PKHD1L1: variants seen among roughly 807,000 people sequenced by gnomAD.
PKHD1L1 encodes fibrocystin-L.
PKHD1L1 carries 434 observed loss-of-function variants against 462.9 expected under a neutral mutation model. The ratio of observed to expected loss-of-function variants is 0.94; its 90% CI spans 0.87 to 1.02. The LOEUF (loss-of-function observed/expected upper bound fraction) is 1.02, where lower values mean the gene tolerates loss of function less well. Among genes scored for constraint, PKHD1L1 ranks in the 50% least tolerant of loss-of-function variants. The pLI, the probability that PKHD1L1 is intolerant of heterozygous loss-of-function variation, is 0.00. For synonymous variants in PKHD1L1, 1,781 were observed against 1,750.0 expected (o/e 1.02, Z -0.44); for missense variants, 5,202 against 5,096.1 (o/e 1.02, Z -0.63).
At chr8:109,421,749 A>G (rs918051294) in intron 23 of PKHD1L1, among the ~76,000 whole-genome samples, 1 of 152,186 alleles carries the variant, frequency 6.6e-6, no homozygotes, top group African/African-American at 2.4e-5. Context: ...GCGCCACTGC[A>G]CTTCAGCCTC....
At chr8:109,442,800 C>A (rs1815877242) in intron 35 of PKHD1L1, 146 bp from the exon 36 acceptor site, 1 of 703,222 alleles carries the variant, frequency 1.4e-6, no homozygotes, top group South Asian at 2.5e-5. Context: ...TTTCTTACTA[C>A]ATTCTGTTGA....
intron 8 of PKHD1L1, among the ~76,000 whole-genome samples, chr8:109,389,923 A>G (rs1161093938): frequency 1.3e-5 from 2 of 152,058 alleles, no homozygotes; most frequent in Admixed American, 6.5e-5. Context: ...CATGTTCTCA[A>G]AAAGGCCTAG....
In PKHD1L1 at chr8:109,466,707, C is replaced by A. The variant is rs1359591979; in HGVS notation, c.8543C>A (p.Ala2848Glu). 3 of 1,612,800 alleles carry A rather than the reference C, an allele frequency of 1.9e-6. No homozygotes were observed. The highest frequency in any genetic ancestry group is 1.3e-5 in the African/African-American group (1 of 74,940). The change falls in exon 50 of 78, where the codon GCG becomes GAG. Residue 2848 changes from alanine (A) to glutamate (E), a missense_variant. Physicochemically the swap from Ala to Glu is moderately radical, Grantham distance 107. Transcript: ENST00000378402. ...CDASVSFHRL[A>E]FNQPSPVSLL... ...GCTTCAGTCAGCTTTCACCGTTTAG[C>A]GTTCAACCAGCCTTCTCCAGTATCT...
chr8:109,457,150 G>T (rs1032597951), intron 46 of PKHD1L1, among the ~76,000 whole-genome samples: 3 of 152,058 alleles, frequency 2.0e-5, no homozygotes, highest in Admixed American at 1.3e-4. Flanking sequence ...ATTAGGAAAT[G>T]AACAGTGATT....
intron 4 of PKHD1L1, among the ~76,000 whole-genome samples, chr8:109,383,072 T>TATATATAAATAGTTATTATATATA (rs1812209536): frequency 2.4e-5 from 3 of 124,668 alleles, no homozygotes; most frequent in Non-Finnish European, 5.0e-5. Context: ...AATTATATTT[T>TATATATAAATAGTTATTATATATA]ATATATAAAT....
chr8:109,381,311 T>G (rs1370407198), intron 2 of PKHD1L1, 59 bp from the exon 3 acceptor site: 2 of 1,395,192 alleles, frequency 1.4e-6, no homozygotes, highest in Admixed American at 4.2e-5. Flanking sequence ...AGGTGACAAA[T>G]GTTAGGTCTC....
Position 109,523,531 on chromosome 8 carries a change from T to C in PKHD1L1, c.12484+145T>C, listed in dbSNP as rs1381353735. ...CTATATTTTGCCTTGTTTCAGAAAA[T>C]ATTTAGTCTAGCTTAAGAATAGATT... On this transcript the variant is annotated intron_variant, in intron 76 of 77. Transcript: ENST00000378402. The C allele has an allele frequency of 4.3e-6, 3 of 703,526 alleles. No homozygotes were observed. In the African/African-American group the frequency reaches 5.4e-5, roughly 13 times the overall value. The allele number at this position is 703,526 out of a possible 1,614,324, so 43.6% of individuals were successfully genotyped here.
chr8:109,416,175 A>C (rs1814159754), intron 21 of PKHD1L1, among the ~76,000 whole-genome samples: 1 of 152,210 alleles, frequency 6.6e-6, no homozygotes, highest in African/African-American at 2.4e-5. Flanking sequence ...ATTCTTCAGG[A>C]AACACAAAAG....
At chr8:109,382,345 G>A (rs181878295) in intron 3 of PKHD1L1, 118 bp from the exon 4 acceptor site, 130 of 704,430 alleles carry the variant, frequency 1.8e-4, no homozygotes, top group Non-Finnish European at 2.7e-4. Context: ...CATCAGTTAC[G>A]ACGTTGGACA....
Position 109,438,958 on chromosome 8 carries a change from G to A in PKHD1L1, c.3822G>A (p.Ala1274=), listed in dbSNP as rs201067450. The change falls in exon 32 of 78, where the codon GCG becomes GCA. Residue 1274 remains alanine, a synonymous_variant. Transcript: ENST00000378402. ...NFGNELTQNM[A]VYVGGKTCQI... Reference sequence around the variant, plus strand: ...GAAATGAACTCACACAAAACATGGCGGTGTATGTTGGAGGAAAAACCTGCC... The same window carrying A: ...GAAATGAACTCACACAAAACATGGCAGTGTATGTTGGAGGAAAAACCTGCC... 3.2e-4 allele frequency: 511 copies of A among 1,613,438 alleles called. 4 individuals are homozygous for A. In the East Asian group the frequency reaches 8.9e-3, roughly 28 times the overall value.
intron 16 of PKHD1L1, 29 bp from the exon 17 acceptor site, chr8:109,406,306 T>G: frequency 6.5e-7 from 1 of 1,527,124 alleles, no homozygotes; most frequent in Non-Finnish European, 8.8e-7. Flanking sequence ...TTTCTGTTTG[T>G]TTGTTTGTTT....
In PKHD1L1 at chr8:109,445,494, C is replaced by G. The variant is rs536515126; in HGVS notation, c.5625C>G (p.Ile1875Met). 3 of 1,613,794 alleles carry G rather than the reference C, an allele frequency of 1.9e-6. No homozygotes were observed. The East Asian group carries it at 6.7e-5, about 36-fold the overall frequency. ...ATGAACCTTGTCAAATTATTTCCAT[C>G]AACCCCAATGAAGTCTACTGCCGCA... The part of the protein sequence containing the change: ...IGDEPCQIIS[I>M]NPNEVYCRTP... Residue 1875 changes from isoleucine (I) to methionine (M), a missense_variant, in exon 38 of 78, where the codon ATC (isoleucine) becomes ATG (methionine). Around this residue, in one of 3 missense-constraint regions of PKHD1L1, gnomAD observed 4,497 missense variants for 4,336.8 expected, o/e 1.04. Transcript: ENST00000378402.
At position 109,405,215 on chromosome 8, in the gene PKHD1L1, G is replaced by A. The variant is rs532561686; in HGVS notation, c.1669+85G>A. On this transcript the variant is annotated intron_variant, in intron 16 of 77. Transcript: ENST00000378402. ...GTATTTGCTGTAGTCAAATTACACT[G>A]TCTGGAAAATATAGTTTTGATGATA... The A allele has an allele frequency of 2.8e-5, 23 of 827,512 alleles. No individual in the cohort carries two copies. The African/African-American group carries it at 3.9e-4, about 14-fold the overall frequency. 51.3% of individuals were successfully genotyped at this position (827,512 alleles called of 1,614,324 possible).
chr8:109,492,606 TG>T (rs1332034045), intron 62 of PKHD1L1, among the ~76,000 whole-genome samples: 2 of 151,860 alleles, frequency 1.3e-5, no homozygotes, highest in Non-Finnish European at 2.9e-5. Context: ...AGGTAAAATC[TG>T]AAAGCTGAAA....
At chr8:109,440,120 G>C (rs1250785113) in intron 32 of PKHD1L1, among the ~76,000 whole-genome samples, 2 of 152,026 alleles carry the variant, frequency 1.3e-5, no homozygotes, top group Admixed American at 1.3e-4. Context: ...AGTTACGAGG[G>C]AAGTTGGGAT....
chr8:109,494,487 T>G (rs1818992313), intron 63 of PKHD1L1, among the ~76,000 whole-genome samples: 1 of 151,898 alleles, frequency 6.6e-6, no homozygotes. Context: ...CGAAAGCCAC[T>G]TTGTGTCCCG....
chr8:109,488,999 C>T (rs1270958422), intron 59 of PKHD1L1, among the ~76,000 whole-genome samples: 1 of 151,944 alleles, frequency 6.6e-6, no homozygotes, highest in Non-Finnish European at 1.5e-5. Flanking sequence ...TCTTTCCTTG[C>T]TCCTATAAAT....
chr8:109,425,348 T>A, intron 24 of PKHD1L1, 116 bp downstream of exon 24: 3 of 621,430 alleles, frequency 4.8e-6, no homozygotes, highest in Non-Finnish European at 7.1e-6. Flanking sequence ...TACAAATATA[T>A]TAATTATTTA....
At position 109,481,444 on chromosome 8, in the gene PKHD1L1, A is replaced by C. The variant is rs996238694; in HGVS notation, c.9339A>C (p.Leu3113Phe). 1 of 1,596,644 alleles carries C rather than the reference A, an allele frequency of 6.3e-7. No homozygotes were observed. Among genetic ancestry groups the C allele is most frequent in the African/African-American group, 1.3e-5 (1 of 74,388 alleles). The change falls in exon 56 of 78, where the codon TTA becomes TTC. Residue 3113 changes from leucine to phenylalanine, a missense_variant. By Grantham distance (22) the Leu-to-Phe change is conservative. Transcript: ENST00000378402. Reference protein sequence around the residue: ...ATYISLQGGRLIGGWEDNPFK... With the variant: ...ATYISLQGGRFIGGWEDNPFK... The stretch of plus-strand genomic sequence containing the variant: ...CTGCTTCATTTCAGGGAGGTAGATT[A>C]ATCGGTGGCTGGGAAGATAACCCTT...
Sources: gnomAD v4.1 joint callset for allele counts (sites outside exome capture counted in the v4.1 genomes callset) on GRCh38, gnomAD v4.1.1 for gene constraint, gnomAD v4.1.1 regional missense constraint, MANE v1.5 for transcripts, NCBI Gene and HGNC (gene_info 2026-07-23, HGNC 2026-07-21) for gene names.